Variants in PALM2AKAP2 observed in about 807,000 individuals in gnomAD.
PALM2AKAP2 encodes PALM2-AKAP2 fusion protein.
In PALM2AKAP2, 37 loss-of-function variants were observed where a neutral mutation model predicts 71.5. The ratio of observed to expected loss-of-function variants is 0.52; its 90% CI spans 0.40 to 0.68. The LOEUF (loss-of-function observed/expected upper bound fraction) is 0.68, where lower values mean the gene tolerates loss of function less well. PALM2AKAP2 is among the 30% of genes least tolerant of loss of function. The pLI is 0.00. For missense variants in PALM2AKAP2, 1,224 were observed against 1,191.8 expected, an observed-to-expected ratio of 1.03 and a Z score of -0.40; for synonymous variants, 468 against 478.8, an observed-to-expected ratio of 0.98 and a Z score of 0.29.
chr9:109,795,000 T>C (rs1827213022), intron 1 of PALM2AKAP2, among the ~76,000 whole-genome samples: 1 of 152,236 alleles, frequency 6.6e-6, no homozygotes, highest in South Asian at 2.1e-4. Context: ...ATTCTCTAGA[T>C]GGGCTACTTC....
chr9:109,831,000 GATT>G (rs1433195911), intron 1 of PALM2AKAP2, among the ~76,000 whole-genome samples: 2 of 152,096 alleles, frequency 1.3e-5, no homozygotes, highest in African/African-American at 4.8e-5. Flanking sequence ...AGAATGAGTG[GATT>G]ATAAGTTTTT....
At chr9:110,140,153 G>A (rs891943343) in intron 2 of PALM2AKAP2, among the ~76,000 whole-genome samples, 3 of 152,174 alleles carry the variant, frequency 2.0e-5, no homozygotes, top group Non-Finnish European at 4.4e-5. Flanking sequence ...ATGTCGGTAT[G>A]ATCTCATGGA....
intron 3 of PALM2AKAP2, among the ~76,000 whole-genome samples, chr9:109,894,686 G>A (rs1383840636): frequency 6.6e-6 from 1 of 152,178 alleles, no homozygotes; most frequent in Non-Finnish European, 1.5e-5. Flanking sequence ...GATGGATTGG[G>A]ATCAGACCCT....
intron 1 of PALM2AKAP2, among the ~76,000 whole-genome samples, chr9:109,818,111 T>TGC: frequency 1.3e-5 from 2 of 152,180 alleles, no homozygotes; most frequent in East Asian, 1.9e-4. Flanking sequence ...GCACATATTT[T>TGC]TGGAATGAGG....
chr9:110,077,958 G>A (rs536964289), intron 1 of PALM2AKAP2, among the ~76,000 whole-genome samples: 1 of 151,354 alleles, frequency 6.6e-6, no homozygotes, highest in African/African-American at 2.4e-5. Context: ...AGGTTTCAGT[G>A]AGCCGAGATC....
intron 6 of PALM2AKAP2, chr9:109,942,702 A>G: frequency 6.3e-7 from 1 of 1,590,120 alleles, no homozygotes; most frequent in Non-Finnish European, 8.6e-7. Flanking sequence ...ACGCCATGGA[A>G]ATTAATGTGG....
At position 109,981,779 on chromosome 9, in the gene PALM2AKAP2, G is replaced by T. The variant is rs540221742; in HGVS notation, c.497-34175G>T. Among the ~76,000 whole-genome samples, 4 of 151,992 alleles carry T rather than the reference G, an allele frequency of 2.6e-5. No homozygotes were observed. In the East Asian group the frequency reaches 5.8e-4, roughly 22 times the overall value. Reference sequence around the variant, plus strand: ...AGAATCATCTCACCCCAGTTAAAATGGCTGTTACCTAAAAAACACGCAATA... The same window carrying T: ...AGAATCATCTCACCCCAGTTAAAATTGCTGTTACCTAAAAAACACGCAATA... On this transcript the variant is annotated intron_variant, in intron 6 of 9. Transcript: ENST00000302798.
chr9:109,995,171 G>A (rs1271093903), intron 6 of PALM2AKAP2, among the ~76,000 whole-genome samples: 2 of 152,188 alleles, frequency 1.3e-5, no homozygotes, highest in Non-Finnish European at 2.9e-5. Flanking sequence ...CTCCCACCCA[G>A]GGACTGGAGA....
At chr9:110,166,212 G>A (rs10114649) in intron 3 of PALM2AKAP2, among the ~76,000 whole-genome samples, 79,363 of 151,924 alleles carry the variant, frequency 0.52, 21,132 homozygotes, top group East Asian at 0.86. Context: ...TGATTTATCC[G>A]TCCAACTTTA....
At chr9:109,870,549 C>T (rs548616375) in intron 2 of PALM2AKAP2, among the ~76,000 whole-genome samples, 8 of 152,286 alleles carry the variant, frequency 5.3e-5, no homozygotes, top group Admixed American at 3.3e-4. Flanking sequence ...ATAATGACCA[C>T]AAGACAGTTA....
chr9:109,926,623 A>G (rs1830963762), intron 5 of PALM2AKAP2, among the ~76,000 whole-genome samples: 1 of 152,188 alleles, frequency 6.6e-6, no homozygotes, highest in Non-Finnish European at 1.5e-5. Context: ...TCAGGCTGGG[A>G]TGAAGTGTGG....
At chr9:109,821,592 G>C (rs1268446089) in intron 1 of PALM2AKAP2, among the ~76,000 whole-genome samples, 1 of 152,162 alleles carries the variant, frequency 6.6e-6, no homozygotes, top group African/African-American at 2.4e-5. Context: ...GGTGAGAAAG[G>C]CATGTTTCTG....
intron 6 of PALM2AKAP2, among the ~76,000 whole-genome samples, chr9:110,014,806 GTATATATATATATATA>G (rs34408706): frequency 0.039 from 1,604 of 41,526 alleles, 87 homozygotes; most frequent in Admixed American, 0.052. Context: ...AAAAAAAAAT[GTATATATATATATATA>G]TATATATATA....
chr9:109,655,089 A>T (rs897093378), intron 1 of PALM2AKAP2, among the ~76,000 whole-genome samples: 5 of 152,030 alleles, frequency 3.3e-5, no homozygotes, highest in African/African-American at 1.2e-4. Context: ...GGAGATTGAG[A>T]CCATCCTGGC....
chr9:110,138,095 C>G, exon 2 of PALM2AKAP2: 1 of 1,614,112 alleles, frequency 6.2e-7, no homozygotes, highest in Non-Finnish European at 8.5e-7. Flanking sequence ...CTCAGAAAAG[C>G]CTCAGAGCAT....
chr9:109,964,192 C>T (rs1042343614), intron 6 of PALM2AKAP2, among the ~76,000 whole-genome samples: 2 of 152,268 alleles, frequency 1.3e-5, no homozygotes, highest in African/African-American at 2.4e-5. Flanking sequence ...CAGAAATGTT[C>T]GGCATAGGCC....
At chr9:110,017,245 C>A (rs73657319) in intron 7 of PALM2AKAP2, among the ~76,000 whole-genome samples, 1 of 152,286 alleles carries the variant, frequency 6.6e-6, no homozygotes, top group African/African-American at 2.4e-5. Flanking sequence ...TTCAAGTTTT[C>A]TTTTGTAATG....
intron 1 of PALM2AKAP2, among the ~76,000 whole-genome samples, chr9:109,674,408 G>A (rs558643863): frequency 2.6e-5 from 4 of 151,726 alleles, no homozygotes; most frequent in African/African-American, 7.3e-5. Context: ...ATTATATGCC[G>A]TACATTAAAA....
At chr9:110,089,438 C>G (rs1834655273) in intron 1 of PALM2AKAP2, among the ~76,000 whole-genome samples, 1 of 152,104 alleles carries the variant, frequency 6.6e-6, no homozygotes, top group African/African-American at 2.4e-5. Context: ...CTAGTTGATT[C>G]CAGGGGCCAG....
Sources: allele counts gnomAD v4.1 joint callset (sites outside exome capture counted in the v4.1 genomes callset), GRCh38; gene constraint gnomAD v4.1.1; transcripts MANE v1.5; gene names NCBI Gene and HGNC (gene_info 2026-07-23, HGNC 2026-07-21).